The following KCNJ6 variants were observed in gnomAD, a reference collection of about 807,000 sequenced individuals.
KCNJ6 encodes the protein G protein-activated inward rectifier potassium channel 2.
A neutral mutation model predicts 34.2 loss-of-function variants in KCNJ6; 9 were observed. The ratio of observed to expected loss-of-function variants is 0.26; its 90% CI spans 0.16 to 0.46. The LOEUF (loss-of-function observed/expected upper bound fraction) is 0.46, where lower values mean the gene tolerates loss of function less well. Ranked by LOEUF, KCNJ6 falls within the 20% of genes least tolerant of loss-of-function variation. The pLI, the probability that KCNJ6 is intolerant of heterozygous loss-of-function variation, is 1.00. For missense variants in KCNJ6, 236 were observed against 531.3 expected (o/e 0.44, Z 5.46); for synonymous variants, 196 against 207.1 (o/e 0.95, Z 0.46).
At chr21:37,751,430 TG>T (rs2054994829) in intron 2 of KCNJ6, among the ~76,000 whole-genome samples, 1 of 152,108 alleles carries the variant, frequency 6.6e-6, no homozygotes, top group South Asian at 2.1e-4. Context: ...AAACGGGAGG[TG>T]GGACGCTTAT....
chr21:37,711,830 T>C (rs2054754642), intron 3 of KCNJ6, among the ~76,000 whole-genome samples: 1 of 149,620 alleles, frequency 6.7e-6, no homozygotes, highest in Non-Finnish European at 1.5e-5. Context: ...TAGAAGACTA[T>C]TTTTTAAAAG....
Position 37,614,950 on chromosome 21 carries a change from C to CT in KCNJ6, c.*10208dup, listed in dbSNP as rs1407628158. On this transcript the variant is annotated 3_prime_UTR_variant, in exon 4 of 4. Coordinates refer to ENST00000609713, the MANE Select transcript of KCNJ6 (RefSeq NM_002240.5). ...ATTCTTTTAGAAAAGGAAAAAATCT[C>CT]TATGAAGGTGCACACAGGGAGGAAC... The CT allele has an allele frequency of 6.6e-6, 1 of 152,204 alleles. No homozygotes were observed. The highest frequency in any genetic ancestry group is 1.5e-5 in the Non-Finnish European group (1 of 68,038). 9.4% of individuals were successfully genotyped at this position (152,204 alleles called of 1,614,324 possible).
intron 2 of KCNJ6, among the ~76,000 whole-genome samples, chr21:37,720,076 G>A (rs1360852682): frequency 6.7e-6 from 1 of 149,924 alleles, no homozygotes; most frequent in African/African-American, 2.4e-5. Context: ...TACACCAGAT[G>A]TGAATGTTAA....
chr21:37,915,003 C>A (rs1216262781), intron 1 of KCNJ6, among the ~76,000 whole-genome samples: 4 of 152,058 alleles, frequency 2.6e-5, no homozygotes, highest in South Asian at 2.1e-4. Flanking sequence ...ACTAACCTCA[C>A]CCTCTGTGGC....
intron 3 of KCNJ6, among the ~76,000 whole-genome samples, chr21:37,711,677 G>A (rs554344539): frequency 6.6e-6 from 1 of 152,054 alleles, no homozygotes; most frequent in African/African-American, 2.4e-5. Flanking sequence ...CATTCACAAA[G>A]AAACAGTATC....
In KCNJ6 at chr21:37,748,529, TG is replaced by T. The variant is rs536687496; in HGVS notation, c.26-33399del. Among the ~76,000 whole-genome samples, 211 of 152,204 alleles carry T rather than the reference TG, an allele frequency of 1.4e-3. 6 individuals carry two copies. Among genetic ancestry groups the T allele is most frequent in the Admixed American group, 0.014 (210 of 15,296 alleles). ...TTTCCATTGACTCAGAGCTTGGTTTTGTGGTAGTGGGAATGTGGCAATATGA... is the reference window on the plus strand; with the variant it reads ...TTTCCATTGACTCAGAGCTTGGTTTTTGGTAGTGGGAATGTGGCAATATGA... On this transcript the variant is annotated intron_variant, in intron 2 of 3. Coordinates refer to ENST00000609713, the MANE Select transcript of KCNJ6 (RefSeq NM_002240.5).
At chr21:37,626,249 G>C (rs1365860508) in intron 3 of KCNJ6, among the ~76,000 whole-genome samples, 1 of 151,410 alleles carries the variant, frequency 6.6e-6, no homozygotes, top group Admixed American at 6.6e-5. Flanking sequence ...TCCTGTCTCA[G>C]ACTTCTGAGC....
chr21:37,763,874 C>T (rs1403362593), intron 2 of KCNJ6, among the ~76,000 whole-genome samples: 6 of 152,126 alleles, frequency 3.9e-5, no homozygotes, highest in Non-Finnish European at 8.8e-5. Flanking sequence ...GGGTGCAGCA[C>T]ACCAACATGG....
chr21:37,753,105 A>T (rs1315340529), intron 2 of KCNJ6, among the ~76,000 whole-genome samples: 1 of 152,166 alleles, frequency 6.6e-6, no homozygotes, highest in Non-Finnish European at 1.5e-5. Flanking sequence ...GGCCGCATGG[A>T]AAGGTGCTTG....
intron 2 of KCNJ6, among the ~76,000 whole-genome samples, chr21:37,766,790 G>A (rs1469519089): frequency 6.6e-6 from 1 of 152,134 alleles, no homozygotes; most frequent in Non-Finnish European, 1.5e-5. Context: ...GGTGAGTGGT[G>A]GATGAACGAG....
chr21:37,799,164 C>T (rs1024187373), intron 2 of KCNJ6, among the ~76,000 whole-genome samples: 3 of 152,198 alleles, frequency 2.0e-5, no homozygotes, highest in Non-Finnish European at 2.9e-5. Flanking sequence ...CAAGTGAGAA[C>T]ACGCAGTATT....
chr21:37,653,208 T>C (rs1246188543), intron 3 of KCNJ6, among the ~76,000 whole-genome samples: 1 of 152,182 alleles, frequency 6.6e-6, no homozygotes, highest in Non-Finnish European at 1.5e-5. Flanking sequence ...ATTAAGGAAC[T>C]GTCAAGAATT....
chr21:37,676,600 C>G (rs1291076930), intron 3 of KCNJ6, among the ~76,000 whole-genome samples: 1 of 152,200 alleles, frequency 6.6e-6, no homozygotes, highest in Non-Finnish European at 1.5e-5. Flanking sequence ...TGCACAGGGC[C>G]AGCTTGGGGA....
At chr21:37,850,166 C>T (rs2055530264) in intron 1 of KCNJ6, among the ~76,000 whole-genome samples, 2 of 152,118 alleles carry the variant, frequency 1.3e-5, no homozygotes, top group East Asian at 1.9e-4. Flanking sequence ...CTTTGTATGA[C>T]GTTCTTTCTT....
chr21:37,845,677 C>G (rs1236950902), intron 1 of KCNJ6, among the ~76,000 whole-genome samples: 1 of 152,154 alleles, frequency 6.6e-6, no homozygotes, highest in South Asian at 2.1e-4. Flanking sequence ...AGAGTTAGAA[C>G]CTGTTCTTGC....
intron 1 of KCNJ6, among the ~76,000 whole-genome samples, chr21:37,877,758 G>A (rs1212365314): frequency 6.6e-6 from 1 of 152,240 alleles, no homozygotes; most frequent in Non-Finnish European, 1.5e-5. Context: ...CCTCTCCAGA[G>A]GCTGATTTCC....
chr21:37,840,827 C>A, intron 1 of KCNJ6, 118 bp from the exon 2 acceptor site: 1 of 584,942 alleles, frequency 1.7e-6, no homozygotes, highest in South Asian at 2.6e-5. Flanking sequence ...AATTTGGTTT[C>A]CAATAATTAA....
intron 2 of KCNJ6, among the ~76,000 whole-genome samples, chr21:37,749,437 G>A (rs1186501623): frequency 2.0e-5 from 3 of 152,110 alleles, no homozygotes; most frequent in Non-Finnish European, 4.4e-5. Context: ...AGCCCCATAG[G>A]GACTGCTCAA....
chr21:37,761,915 CT>C (rs965820333), intron 2 of KCNJ6, among the ~76,000 whole-genome samples: 14 of 152,094 alleles, frequency 9.2e-5, no homozygotes, highest in Non-Finnish European at 1.8e-4. Flanking sequence ...CTTTCCACAC[CT>C]TTTGCCCCAG....
Sources: allele counts gnomAD v4.1 joint callset (sites outside exome capture counted in the v4.1 genomes callset), GRCh38; gene constraint gnomAD v4.1.1; transcripts MANE v1.5; gene names NCBI Gene and HGNC (gene_info 2026-07-23, HGNC 2026-07-21).